Variants in CD163L1 observed in about 807,000 individuals in gnomAD.
The protein encoded by CD163L1 is CD163 molecule like 1.
A neutral mutation model predicts 165.4 loss-of-function variants in CD163L1; 124 were observed. The observed-to-expected ratio is 0.75, with a 90% CI of 0.65 to 0.87. The LOEUF is 0.87. Ranked by LOEUF, CD163L1 falls within the 40% of genes least tolerant of loss-of-function variation. The pLI, the probability that CD163L1 is intolerant of heterozygous loss-of-function variation, is 0.00. For synonymous variants in CD163L1, 585 were observed against 662.2 expected (o/e 0.88, Z 1.79); for missense variants, 1,525 against 1,799.9 (o/e 0.85, Z 2.76).
chr12:7,395,411 A>G (rs1450572982), intron 8 of CD163L1, among the ~76,000 whole-genome samples: 7 of 152,144 alleles, frequency 4.6e-5, no homozygotes, highest in African/African-American at 1.7e-4. Context: ...ACTTGGACAC[A>G]GGGCGGGGAA....
chr12:7,384,458 A>G (rs1947473762), intron 8 of CD163L1, among the ~76,000 whole-genome samples: 1 of 152,104 alleles, frequency 6.6e-6, no homozygotes, highest in African/African-American at 2.4e-5. Flanking sequence ...CCAAATTGAT[A>G]CACCTCCTCC....
At chr12:7,388,725 C>T (rs1280897506) in intron 8 of CD163L1, among the ~76,000 whole-genome samples, 1 of 131,712 alleles carries the variant, frequency 7.6e-6, no homozygotes, top group African/African-American at 3.0e-5. Context: ...GCCTGGACAA[C>T]AGAGTGAGAT....
chr12:7,346,742 A>C (rs1946672797), exon 5 of CD163L1: 1 of 152,214 alleles, frequency 6.6e-6, no homozygotes, highest in Non-Finnish European at 1.5e-5. Context: ...GAAGTTTTAA[A>C]ACCCCCAGGA....
intron 2 of CD163L1, among the ~76,000 whole-genome samples, chr12:7,436,620 TA>T (rs1168288984): frequency 1.3e-5 from 2 of 152,014 alleles, no homozygotes; most frequent in Non-Finnish European, 2.9e-5. Context: ...AAATTTTTTT[TA>T]ATTAGCTGGG....
Position 7,368,743 on chromosome 12 carries a change from G to T in CD163L1, c.4072+190C>A, listed in dbSNP as rs1438647142. On this transcript the variant is annotated intron_variant, in intron 16 of 19. Coordinates refer to ENST00000313599, the MANE Select transcript of CD163L1 (RefSeq NM_174941.6). This position sits in a 1 kb window ranked among gnomAD's most constrained non-coding sequence, Gnocchi z 4.3. ...TCTTATCCTTCTCTGCATGTAAAAA[G>T]GATTTTTCTAGAGAGAAGGACTGCA... The T allele has an allele frequency of 3.3e-6, 2 of 608,966 alleles. No homozygotes were observed. The highest frequency in any genetic ancestry group is 5.9e-6 in the Non-Finnish European group (2 of 339,298). The allele number at this position is 608,966 out of a possible 1,614,324, so 37.7% of individuals were successfully genotyped here.
rs763663517 is a variant in CD163L1, at chr12:7,396,274, A to C, written c.1871T>G (p.Leu624Arg). ...SKAAAVVCSQLDCPSSIIGMG... is the reference protein window; with the variant it reads ...SKAAAVVCSQRDCPSSIIGMG... ...GCCAATGATAGAAGATGGGCAGTCC[A>C]GCTGGCTACACACCACAGCTGCAGC... Residue 624 changes from leucine (L) to arginine (R), a missense_variant, in exon 8 of 20, where the codon CTG becomes CGG. Physicochemically the swap from Leu to Arg is moderately radical, Grantham distance 102. Coordinates refer to ENST00000313599, the MANE Select transcript of CD163L1 (RefSeq NM_174941.6). The C allele has an allele frequency of 6.2e-7, 1 of 1,614,204 alleles. No individual in the cohort carries two copies. The highest frequency in any genetic ancestry group is 1.7e-5 in the Admixed American group (1 of 60,022).
chr12:7,326,801 A>G, the CD163L1 span, among the ~76,000 whole-genome samples: 1 of 152,232 alleles, frequency 6.6e-6, no homozygotes, highest in Non-Finnish European at 1.5e-5. Context: ...AAATATTCTG[A>G]AAAACCTCAC....
chr12:7,431,828 G>A (rs1948634130), intron 4 of CD163L1, among the ~76,000 whole-genome samples: 1 of 152,164 alleles, frequency 6.6e-6, no homozygotes. Context: ...AGCTTAGGAA[G>A]ATTAGATGAT....
At chr12:7,343,662 G>T (rs1350993852), downstream of CD163L1, among the ~76,000 whole-genome samples, 1 of 152,120 alleles carries the variant, frequency 6.6e-6, no homozygotes, top group Non-Finnish European at 1.5e-5. Flanking sequence ...AGCCATGAGG[G>T]ATATATCCCC....
chr12:7,406,540 A>T lies in CD163L1; in HGVS notation c.1079T>A (p.Ile360Asn). The change falls in exon 5 of 20, where the codon ATC becomes AAC. Residue 360 changes from isoleucine to asparagine, a missense_variant. Coordinates refer to ENST00000313599, the MANE Select transcript of CD163L1 (RefSeq NM_174941.6). Reference protein sequence around the residue: ...DCLHQNDVSVICSDGADLELR... With the variant: ...DCLHQNDVSVNCSDGADLELR... ...GTGGATGTAAGTCTTACCTGAGCAG[A>T]TCACAGACACATCGTTTTGATGAAG... is the stretch of plus-strand genomic sequence containing the variant. 6.2e-7 allele frequency: 1 copy of T among 1,614,044 alleles called. No individual in the cohort carries two copies. The highest frequency in any genetic ancestry group is 8.5e-7 in the Non-Finnish European group (1 of 1,179,954).
chr12:7,370,355 A>G (rs1947119792), intron 14 of CD163L1, among the ~76,000 whole-genome samples: 1 of 152,242 alleles, frequency 6.6e-6, no homozygotes, highest in Admixed American at 6.5e-5. Context: ...TCAATATTTT[A>G]GAATGATCTT....
chr12:7,408,514 TG>T (rs1267697201), intron 4 of CD163L1, among the ~76,000 whole-genome samples: 4 of 152,216 alleles, frequency 2.6e-5, no homozygotes, highest in Non-Finnish European at 4.4e-5. Flanking sequence ...GGGATACATG[TG>T]ATATTCTGAT....
At chr12:7,444,037 A>G in intron 1 of CD163L1, 60 bp downstream of exon 1, 2 of 1,447,592 alleles carry the variant, frequency 1.4e-6, no homozygotes, top group African/African-American at 2.8e-5. Context: ...GTTGTTACAC[A>G]TATTCTTAGT....
At chr12:7,331,456 T>C in the CD163L1 span, among the ~76,000 whole-genome samples, 1 of 152,202 alleles carries the variant, frequency 6.6e-6, no homozygotes, top group Non-Finnish European at 1.5e-5. Context: ...AGCATGCAGC[T>C]TGAGATCTGA....
At chr12:7,421,494 TATATGTACATATACATATAC>T (rs1948408340) in intron 4 of CD163L1, among the ~76,000 whole-genome samples, 1 of 111,282 alleles carries the variant, frequency 9.0e-6, no homozygotes, top group African/African-American at 4.4e-5. Context: ...CATATATACA[TATATGTACATATACATATAC>T]ATATATGTAC....
intron 2 of CD163L1, chr12:7,439,438 G>A (rs200466398): frequency 6.2e-5 from 98 of 1,586,998 alleles, no homozygotes; most frequent in Non-Finnish European, 8.2e-5. Flanking sequence ...CTCCAGGTCT[G>A]GTTTGGACTT....
chr12:7,365,324 C>T (rs1345267490), intron 18 of CD163L1, among the ~76,000 whole-genome samples: 1 of 151,934 alleles, frequency 6.6e-6, no homozygotes, highest in East Asian at 1.9e-4. Flanking sequence ...TAGAAGAAAA[C>T]ACTGGGAAAC....
rs1253975497 is a variant in CD163L1 at position 7,375,600 on chromosome 12, G to A, written c.2687-5C>T. 2 of 1,611,960 alleles carry A rather than the reference G, an allele frequency of 1.2e-6. No individual in the cohort carries two copies. Among genetic ancestry groups the A allele is most frequent in the African/African-American group, 1.3e-5 (1 of 74,886 alleles). On this transcript the variant is annotated splice_region_variant and splice_polypyrimidine_tract_variant and intron_variant, in intron 10 of 19. Transcript: ENST00000313599. Reference sequence around the variant, plus strand: ...CAAGTCGGACATCTGTATATCCTAGGAGGAGACAAGGCCATAGAAGAGACA... The same window carrying A: ...CAAGTCGGACATCTGTATATCCTAGAAGGAGACAAGGCCATAGAAGAGACA...
At chr12:7,390,740 T>G (rs1947637552) in intron 8 of CD163L1, among the ~76,000 whole-genome samples, 1 of 152,216 alleles carries the variant, frequency 6.6e-6, no homozygotes, top group African/African-American at 2.4e-5. Context: ...TTCATTCATC[T>G]TAGAAAAGAA....
Sources: allele counts gnomAD v4.1 joint callset (sites outside exome capture counted in the v4.1 genomes callset), GRCh38; gene constraint gnomAD v4.1.1; non-coding constraint Gnocchi (gnomAD v3.1); transcripts MANE v1.5; gene names NCBI Gene and HGNC (gene_info 2026-07-23, HGNC 2026-07-21).